Variants in WDR35 observed in about 807,000 individuals in gnomAD.
WDR35 encodes WD repeat domain 35.
In WDR35, 118 loss-of-function variants were observed where a neutral mutation model predicts 158.3. The observed-to-expected ratio is 0.75, with a 90% CI of 0.64 to 0.87. The LOEUF is 0.87. Ranked by LOEUF, WDR35 falls within the 40% of genes least tolerant of loss-of-function variation. The pLI, the probability that WDR35 is intolerant of heterozygous loss-of-function variation, is 0.00. For missense variants in WDR35, 1,263 were observed against 1,405.8 expected (o/e 0.90, Z 1.62); for synonymous variants, 448 against 476.1 (o/e 0.94, Z 0.77).
rs1670886598 is a variant in WDR35 at position 19,941,815 on chromosome 2, T to A, written c.1870A>T (p.Ile624Phe). 6.4e-7 allele frequency: 1 copy of A among 1,574,288 alleles called. No individual in the cohort carries two copies. The highest frequency in any genetic ancestry group is 8.7e-7 in the Non-Finnish European group (1 of 1,152,550). Residue 624 changes from isoleucine (I) to phenylalanine (F), a missense_variant, in exon 17 of 27, where the codon ATT becomes TTT. Transcript: ENST00000281405. ...PEEPIQTSGYICNFEDLEIKS... is the reference protein window; with the variant it reads ...PEEPIQTSGYFCNFEDLEIKS... ...ATTTCTAAATCCTCAAAATTACAAA[T>A]ATATCCAGAGGTCTGAATGGGTTCC... is the stretch of plus-strand genomic sequence containing the variant.
chr2:19,922,073 A>G (rs927079571), intron 25 of WDR35, among the ~76,000 whole-genome samples: 4 of 152,154 alleles, frequency 2.6e-5, no homozygotes, highest in Non-Finnish European at 4.4e-5. Flanking sequence ...GAAACAACAG[A>G]TGCTAGAGAG....
In WDR35 at chr2:19,928,657, AGACT is replaced by A. The variant is rs1670432592; in HGVS notation, c.3121+1735_3121+1738del. ...TCCTAAGAGAAAAATATGAAGTAAAAGACTGACAGACATGACTATATAAAAAAAA... is the reference window on the plus strand; with the variant it reads ...TCCTAAGAGAAAAATATGAAGTAAAAGACAGACATGACTATATAAAAAAAA... On this transcript the variant is annotated intron_variant, in intron 25 of 26. Transcript: ENST00000281405. Among the ~76,000 whole-genome samples, 3 of 152,210 alleles carry A rather than the reference AGACT, an allele frequency of 2.0e-5. No individual in the cohort carries two copies. The South Asian group carries it at 6.2e-4, about 32-fold the overall frequency.
At chr2:19,988,333 CCAG>C (rs2103472767) in intron 2 of WDR35, among the ~76,000 whole-genome samples, 1 of 152,274 alleles carries the variant, frequency 6.6e-6, no homozygotes, top group South Asian at 2.1e-4. Flanking sequence ...GGTCTGAGGA[CCAG>C]CAACTCAGCT....
chr2:19,984,520 C>T (rs745481830), intron 2 of WDR35, among the ~76,000 whole-genome samples: 2 of 152,040 alleles, frequency 1.3e-5, no homozygotes, highest in African/African-American at 2.4e-5. Flanking sequence ...AAGGCATAAT[C>T]GAAGAAGTCA....
At position 19,914,428 on chromosome 2, in the gene WDR35, G is replaced by A. The variant is rs571057852; in HGVS notation, c.3122-151C>T. The A allele has an allele frequency of 5.2e-6, 5 of 957,066 alleles. No homozygotes were observed. In the South Asian group the frequency reaches 6.4e-5, roughly 12 times the overall value. The allele number at this position is 957,066 out of a possible 1,614,324, so 59.3% of individuals were successfully genotyped here. On this transcript the variant is annotated intron_variant, in intron 25 of 26. Transcript: ENST00000281405. Reference sequence around the variant, plus strand: ...TTGAGAGATGGGAGCACCAAGAGGAGGAACTAGGCTACATGATATCCAAGG... The same window carrying A: ...TTGAGAGATGGGAGCACCAAGAGGAAGAACTAGGCTACATGATATCCAAGG...
chr2:19,913,849 G>GA (rs1231360663), intron 26 of WDR35, 141 bp from the exon 27 acceptor site: 6 of 1,425,520 alleles, frequency 4.2e-6, no homozygotes, highest in African/African-American at 2.9e-5. Context: ...GTTATTTCAA[G>GA]AAAAAACCTT....
At chr2:19,980,654 T>G (rs766436257) in intron 4 of WDR35, 37 bp downstream of exon 4, 16 of 1,568,204 alleles carry the variant, frequency 1.0e-5, no homozygotes, top group Non-Finnish European at 1.4e-5. Context: ...GATGCCAACT[T>G]GTGAAAAATT....
intron 13 of WDR35, among the ~76,000 whole-genome samples, chr2:19,950,997 G>A (rs186800386): frequency 6.6e-6 from 1 of 152,244 alleles, no homozygotes; most frequent in East Asian, 1.9e-4. Context: ...AATTATATTA[G>A]TTTGTAAACA....
intron 25 of WDR35, among the ~76,000 whole-genome samples, chr2:19,930,043 T>C (rs1296394391): frequency 6.7e-6 from 1 of 149,868 alleles, no homozygotes; most frequent in Non-Finnish European, 1.5e-5. Flanking sequence ...TTAAATATAT[T>C]TTATGTATTT....
chr2:19,982,204 T>C (rs571163360), intron 3 of WDR35, among the ~76,000 whole-genome samples: 2 of 152,344 alleles, frequency 1.3e-5, no homozygotes, highest in South Asian at 4.1e-4. Context: ...CAGATGATTG[T>C]GCCCAACTGT....
chr2:19,923,947 C>G (rs1311929725), intron 25 of WDR35, among the ~76,000 whole-genome samples: 10 of 152,202 alleles, frequency 6.6e-5, no homozygotes. Context: ...TGCTCTTACT[C>G]AGGCTTGTCT....
At chr2:19,932,782 T>C (rs1670564689) in intron 22 of WDR35, among the ~76,000 whole-genome samples, 1 of 152,124 alleles carries the variant, frequency 6.6e-6, no homozygotes, top group South Asian at 2.1e-4. Flanking sequence ...AAACAAAATA[T>C]GCAATTTCAG....
intron 9 of WDR35, among the ~76,000 whole-genome samples, chr2:19,968,135 G>A (rs1485153336): frequency 2.0e-5 from 3 of 152,152 alleles, no homozygotes; most frequent in Non-Finnish European, 2.9e-5. Context: ...TTGGACTTCA[G>A]GTTTTTAGGA....
At chr2:19,943,607 G>A (rs1670944221) in intron 16 of WDR35, among the ~76,000 whole-genome samples, 1 of 151,898 alleles carries the variant, frequency 6.6e-6, no homozygotes, top group Non-Finnish European at 1.5e-5. Flanking sequence ...GGAGCCCCTT[G>A]TTTGAAAAAG....
rs747533076 is a variant in WDR35, at chr2:19,980,743, C to A, written c.255G>T (p.Lys85Asn). 1 of 1,613,826 alleles carries A rather than the reference C, an allele frequency of 6.2e-7. No homozygotes were observed. Among genetic ancestry groups the A allele is most frequent in the Non-Finnish European group, 8.5e-7 (1 of 1,179,838 alleles). Residue 85 changes from lysine (K) to asparagine (N), a missense_variant, in exon 4 of 27, where the codon AAG (lysine) becomes AAT (asparagine). Transcript: ENST00000281405. ...GCCCGTTTTCATCACTGGTAGTCAACTTCTGATACTGCTCATTCCATGTTA... is the reference window on the plus strand; with the variant it reads ...GCCCGTTTTCATCACTGGTAGTCAAATTCTGATACTGCTCATTCCATGTTA... ...QVVTWNEQYQ[K>N]LTTSDENGLI...
rs754041212 is a variant in WDR35 at position 19,960,579 on chromosome 2, G to T, written c.1230C>A (p.Pro410=). 2 of 1,609,008 alleles carry T rather than the reference G, an allele frequency of 1.2e-6. No homozygotes were observed. Among genetic ancestry groups the T allele is most frequent in the African/African-American group, 1.3e-5 (1 of 74,802 alleles). ...CAATATCAATGTATTTGGGATCCAA[G>T]GGTGTACCAATAGAATTACAAAGAA... ...VLVLCNSIGT[P]LDPKYIDIVP... Residue 410 remains proline, a synonymous_variant, in exon 11 of 27, where the codon CCC becomes CCA. Transcript: ENST00000281405.
At position 19,913,474 on chromosome 2, in the gene WDR35, G is replaced by A. The variant is rs1380338928; in HGVS notation, c.*84C>T. 2.3e-5 allele frequency: 36 copies of A among 1,537,608 alleles called. No individual in the cohort carries two copies. Among genetic ancestry groups the A allele is most frequent in the Non-Finnish European group, 3.0e-5 (34 of 1,122,680 alleles). On this transcript the variant is annotated 3_prime_UTR_variant, in exon 27 of 27. Coordinates refer to ENST00000281405, the MANE Select transcript of WDR35 (RefSeq NM_020779.4). ...GGCTGATTTTCATACAAAACTCACAGAAATAAACCTTATTACATATACAGC... is the reference window on the plus strand; with the variant it reads ...GGCTGATTTTCATACAAAACTCACAAAAATAAACCTTATTACATATACAGC...
At chr2:19,945,434 G>A (rs1023286458) in intron 16 of WDR35, among the ~76,000 whole-genome samples, 1 of 152,028 alleles carries the variant, frequency 6.6e-6, no homozygotes, top group African/African-American at 2.4e-5. Context: ...TTTTTTATTA[G>A]GTTCTTTTCA....
rs182642267 is a variant in WDR35, at chr2:19,922,196, T to G, written c.3122-7919A>C. ...AGGATCTAGAACTAGAAATACCATT[T>G]GACCCAGCAATCCCATTGCTGGGTA... is the stretch of plus-strand genomic sequence containing the variant. On this transcript the variant is annotated intron_variant, in intron 25 of 26. Transcript: ENST00000281405. Among the ~76,000 whole-genome samples, 90 of 152,334 alleles carry G rather than the reference T, an allele frequency of 5.9e-4. 1 individual carries two copies. Among genetic ancestry groups the G allele is most frequent in the Non-Finnish European group, 5.1e-4 (35 of 68,032 alleles).
Sources: gnomAD v4.1 joint callset for allele counts (sites outside exome capture counted in the v4.1 genomes callset) on GRCh38, gnomAD v4.1.1 for gene constraint, MANE v1.5 for transcripts, NCBI Gene and HGNC (gene_info 2026-07-23, HGNC 2026-07-21) for gene names.